Variants in IQGAP2 observed in about 807,000 individuals in gnomAD.
IQGAP2 encodes IQ motif containing GTPase activating protein 2.
IQGAP2 carries 173 observed loss-of-function variants against 201.3 expected under a neutral mutation model. The observed-to-expected ratio is 0.86, with a 90% confidence interval of 0.76 to 0.98. IQGAP2 has a LOEUF of 0.98. IQGAP2 is among the 50% of genes least tolerant of loss of function. IQGAP2 has a pLI of 0.00. For synonymous variants in IQGAP2, 675 were observed against 673.9 expected (o/e 1.00, Z -0.03); for missense variants, 1,687 against 1,864.8 (o/e 0.90, Z 1.76).
At chr5:76,681,490 G>A (rs1338709379) in intron 28 of IQGAP2, among the ~76,000 whole-genome samples, 1 of 151,108 alleles carries the variant, frequency 6.6e-6, no homozygotes, top group African/African-American at 2.4e-5. Flanking sequence ...AAACTGCAAG[G>A]AGATACCACT....
intron 2 of IQGAP2, chr5:76,510,912 C>A (rs1261123340): frequency 3.0e-6 from 1 of 336,684 alleles, no homozygotes; most frequent in Admixed American, 3.9e-5. Flanking sequence ...ACCCCTCTCA[C>A]CAGCTGCAAG....
At chr5:76,537,688 G>A (rs960808810) in intron 2 of IQGAP2, among the ~76,000 whole-genome samples, 2 of 152,114 alleles carry the variant, frequency 1.3e-5, no homozygotes, top group Non-Finnish European at 2.9e-5. Context: ...TAGACTACTT[G>A]TGAGCAGCTG....
chr5:76,653,120 T>A lies in IQGAP2; in HGVS notation c.2178+287T>A, dbSNP rs185705550. On this transcript the variant is annotated intron_variant, in intron 18 of 35. Coordinates refer to ENST00000274364, the MANE Select transcript of IQGAP2 (RefSeq NM_006633.5). ...TCTTTGTCTAGAAAGTTCAAGTTGA[T>A]TATTTAGACTTTAGGTAGAACCCAG... Among the ~76,000 whole-genome samples the A allele has an allele frequency of 6.6e-3, 1,001 of 152,344 alleles. 7 individuals carry two copies. Among genetic ancestry groups the A allele is most frequent in the Non-Finnish European group, 0.01 (713 of 68,026 alleles).
intron 2 of IQGAP2, among the ~76,000 whole-genome samples, chr5:76,462,237 T>G (rs1754502105): frequency 3.3e-5 from 5 of 152,172 alleles, no homozygotes; most frequent in Admixed American, 2.6e-4. Flanking sequence ...CCTTGGGTCT[T>G]TTCCCCACTC....
chr5:76,680,410 T>C (rs1291623944), intron 28 of IQGAP2, among the ~76,000 whole-genome samples: 1 of 152,178 alleles, frequency 6.6e-6, no homozygotes, highest in African/African-American at 2.4e-5. Context: ...AGTAAATCTT[T>C]GTGACCTTGG....
chr5:76,458,005 A>G (rs1754206385), intron 1 of IQGAP2, among the ~76,000 whole-genome samples: 1 of 152,252 alleles, frequency 6.6e-6, no homozygotes, highest in South Asian at 2.1e-4. Context: ...TTACTTTAAA[A>G]TGAAAAGAAT....
At chr5:76,646,385 T>C (rs189779313) in intron 17 of IQGAP2, among the ~76,000 whole-genome samples, 1 of 152,332 alleles carries the variant, frequency 6.6e-6, no homozygotes, top group Non-Finnish European at 1.5e-5. Flanking sequence ...TATCATTTAA[T>C]GTGTGAACAC....
At chr5:76,692,790 T>C (rs1746384893) in intron 30 of IQGAP2, among the ~76,000 whole-genome samples, 1 of 152,234 alleles carries the variant, frequency 6.6e-6, no homozygotes, top group Admixed American at 6.5e-5. Flanking sequence ...TCCTCCTCGC[T>C]GCTGTGTCAG....
At chr5:76,498,468 A>G (rs1477487814) in intron 2 of IQGAP2, among the ~76,000 whole-genome samples, 1 of 152,160 alleles carries the variant, frequency 6.6e-6, no homozygotes, top group Admixed American at 6.5e-5. Context: ...AGCCCTCCTC[A>G]TTCCAAACCT....
chr5:76,703,854 A>C (rs1747644261), intron 35 of IQGAP2, among the ~76,000 whole-genome samples: 1 of 152,202 alleles, frequency 6.6e-6, no homozygotes, highest in Non-Finnish European at 1.5e-5. Context: ...TACATGAATC[A>C]TCTCACTAAG....
intron 22 of IQGAP2, among the ~76,000 whole-genome samples, chr5:76,665,829 T>A (rs1161200262): frequency 6.6e-6 from 1 of 152,214 alleles, no homozygotes; most frequent in Admixed American, 6.5e-5. Context: ...ATTCAGCCCG[T>A]CAGCCCTACT....
chr5:76,511,620 A>T (rs1383654851), intron 2 of IQGAP2, among the ~76,000 whole-genome samples: 1 of 151,972 alleles, frequency 6.6e-6, no homozygotes, highest in Non-Finnish European at 1.5e-5. Context: ...TAAAACTGGA[A>T]TCCCATTTAA....
At chr5:76,479,174 A>G (rs920575379) in intron 2 of IQGAP2, among the ~76,000 whole-genome samples, 3 of 152,014 alleles carry the variant, frequency 2.0e-5, no homozygotes, top group African/African-American at 4.8e-5. Flanking sequence ...GCTTTATGGT[A>G]GCTTTCTCCA....
chr5:76,687,129 C>A (rs545696083), intron 30 of IQGAP2, among the ~76,000 whole-genome samples: 1 of 152,264 alleles, frequency 6.6e-6, no homozygotes, highest in Non-Finnish European at 1.5e-5. Context: ...ATTTTAGGAT[C>A]AACTTTTCCA....
At chr5:76,469,977 A>G (rs1755015517) in intron 2 of IQGAP2, among the ~76,000 whole-genome samples, 1 of 152,198 alleles carries the variant, frequency 6.6e-6, no homozygotes, top group Admixed American at 6.5e-5. Flanking sequence ...GAAATCTGTC[A>G]TTGCTTAACT....
At chr5:76,609,787 C>T (rs1262977229) in intron 12 of IQGAP2, among the ~76,000 whole-genome samples, 6 of 151,068 alleles carry the variant, frequency 4.0e-5, no homozygotes, top group African/African-American at 9.7e-5. Flanking sequence ...TCAGTACTAA[C>T]CTAGGAAGCA....
intron 12 of IQGAP2, 171 bp downstream of exon 12, chr5:76,606,474 C>G (rs1266009506): frequency 7.3e-6 from 3 of 413,710 alleles, no homozygotes; most frequent in African/African-American, 4.1e-5. Flanking sequence ...TACCACTGTA[C>G]CAATATGTTA....
chr5:76,628,572 T>G, intron 14 of IQGAP2: 1 of 328,128 alleles, frequency 3.0e-6, no homozygotes, highest in South Asian at 2.5e-5. Context: ...ATATATAAAT[T>G]AAGATTCCTA....
chr5:76,575,594 A>T, intron 4 of IQGAP2, 99 bp from the exon 5 acceptor site: 1 of 592,474 alleles, frequency 1.7e-6, no homozygotes, highest in Non-Finnish European at 2.8e-6. Flanking sequence ...TTAAATAATT[A>T]TAGGATAGCA....
Sources: allele counts gnomAD v4.1 joint callset (sites outside exome capture counted in the v4.1 genomes callset), GRCh38; gene constraint gnomAD v4.1.1; transcripts MANE v1.5; gene names NCBI Gene and HGNC (gene_info 2026-07-23, HGNC 2026-07-21).